RAB3D: variants seen among roughly 807,000 people sequenced by gnomAD.
RAB3D encodes ras-related protein Rab-3D.
A neutral mutation model predicts 19.3 loss-of-function variants in RAB3D; 17 were observed. That is an observed-to-expected ratio of 0.88 (90% CI 0.60 to 1.32). The LOEUF (loss-of-function observed/expected upper bound fraction) is 1.32, where lower values mean the gene tolerates loss of function less well. Ranked by LOEUF, RAB3D falls within the 40% of genes most tolerant of loss-of-function variation. RAB3D has a pLI of 0.00. For missense variants in RAB3D, 223 were observed against 299.1 expected, an observed-to-expected ratio of 0.75 and a Z score of 1.88; for synonymous variants, 103 against 119.9, an observed-to-expected ratio of 0.86 and a Z score of 0.92.
intron 1 of RAB3D, among the ~76,000 whole-genome samples, chr19:11,338,909 T>C (rs1050359087): frequency 2.0e-5 from 3 of 152,226 alleles, no homozygotes; most frequent in African/African-American, 7.2e-5. Context: ...CTATGGCCGC[T>C]GCGGGAACCG....
In RAB3D at chr19:11,325,292, G is replaced by A. The variant is rs2080805107; in HGVS notation, c.*106C>T. On this transcript the variant is annotated 3_prime_UTR_variant, in exon 5 of 5. Transcript: ENST00000222120. ...GCAGGAGTCGGGGAGCAGTTGACAG[G>A]AGGGAAGGGATTGCCCTGAGCTTGG... The A allele has an allele frequency of 2.8e-6, 2 of 716,346 alleles. No homozygotes were observed. The allele number at this position is 716,346 out of a possible 1,614,324, so 44.4% of individuals were successfully genotyped here. A position where few individuals can be genotyped will look rare whatever the true frequency, so the allele number is the denominator to read the frequency against.
chr19:11,328,333 C>CAAAAAAAAAAAAA (rs71164187), intron 4 of RAB3D, among the ~76,000 whole-genome samples: 1 of 57,834 alleles, frequency 1.7e-5, no homozygotes, highest in African/African-American at 6.5e-5. Context: ...GATATTATCT[C>CAAAAAAAAAAAAA]AAAAAAAAAA....
chr19:11,335,100 T>C (rs74993229), intron 4 of RAB3D, among the ~76,000 whole-genome samples: 3,907 of 152,352 alleles, frequency 0.026, 73 homozygotes, highest in East Asian at 0.089. Context: ...ATATACTTTA[T>C]GTCCACTTGG....
intron 4 of RAB3D, among the ~76,000 whole-genome samples, chr19:11,327,648 C>T (rs2080820380): frequency 1.3e-5 from 2 of 152,154 alleles, no homozygotes; most frequent in Admixed American, 1.3e-4. Context: ...ATCCACCTGC[C>T]TCAGCTTCCC....
Position 11,335,602 on chromosome 19 carries a change from C to CCG in RAB3D, c.348-32_348-31insCG. On this transcript the variant is annotated intron_variant, in intron 3 of 4. Coordinates refer to ENST00000222120, the MANE Select transcript of RAB3D (RefSeq NM_004283.4). Reference sequence around the variant, plus strand: ...GAGTTACCAGTGGTGAGCCATGAGCCGGGGGGGTTAGGGGTCAGAGGAGAG... The same window carrying CCG: ...GAGTTACCAGTGGTGAGCCATGAGCCCGGGGGGGGTTAGGGGTCAGAGGAGAG... The CCG allele has an allele frequency of 4.3e-6, 7 of 1,613,548 alleles. No individual in the cohort carries two copies. The South Asian group carries it at 4.4e-5, about 10-fold the overall frequency.
At chr19:11,325,733 C>T in intron 4 of RAB3D, 148 bp from the exon 5 acceptor site, 1 of 680,774 alleles carries the variant, frequency 1.5e-6, no homozygotes, top group South Asian at 2.0e-5. Flanking sequence ...CTCCAAGCCT[C>T]AGTTTGCTCA....
intron 4 of RAB3D, among the ~76,000 whole-genome samples, chr19:11,334,785 A>G (rs1306379425): frequency 1.3e-5 from 2 of 151,274 alleles, no homozygotes; most frequent in African/African-American, 4.9e-5. Flanking sequence ...TTAGCTGGGC[A>G]TGTGGCACGC....
At chr19:11,328,753 G>A (rs917606664) in intron 4 of RAB3D, among the ~76,000 whole-genome samples, 6 of 152,044 alleles carry the variant, frequency 3.9e-5, no homozygotes, top group African/African-American at 1.4e-4. Flanking sequence ...GGAAGTTGAG[G>A]CTGCAGTGAG....
intron 2 of RAB3D, 21 bp from the exon 3 acceptor site, chr19:11,335,804 G>T: frequency 6.2e-7 from 1 of 1,606,456 alleles, no homozygotes; most frequent in Non-Finnish European, 8.5e-7. Context: ...GGCAGTGGCA[G>T]TTGGCTGGGA....
chr19:11,325,470 G>A lies in RAB3D; in HGVS notation c.588C>T (p.Ser196=), dbSNP rs774112638. The change falls in exon 5 of 5, where the codon AGC becomes AGT. Residue 196 remains serine (S), a synonymous_variant. Transcript: ENST00000222120. ...KMNESLEPSS[S]SGSNGKGPAV... is the part of the protein sequence containing the mutation. Reference sequence around the variant, plus strand: ...CCGGGCCTTTCCCGTTGCTGCCTGAGCTGGAGCTGGGTTCCAGGGACTCGT... The same window carrying A: ...CCGGGCCTTTCCCGTTGCTGCCTGAACTGGAGCTGGGTTCCAGGGACTCGT... 2 of 1,612,700 alleles carry A rather than the reference G, an allele frequency of 1.2e-6. No homozygotes were observed. The highest frequency in any genetic ancestry group is 1.1e-5 in the South Asian group (1 of 91,062).
Position 11,325,282 on chromosome 19 carries a change from C to T in RAB3D, c.*116G>A. The T allele has an allele frequency of 4.5e-6, 3 of 672,988 alleles. No homozygotes were observed. Among genetic ancestry groups the T allele is most frequent in the Non-Finnish European group, 7.5e-6 (3 of 402,326 alleles). The allele number at this position is 672,988 out of a possible 1,614,324, so 41.7% of individuals were successfully genotyped here. ...AATGAGCCATGCAGGAGTCGGGGAG[C>T]AGTTGACAGGAGGGAAGGGATTGCC... On this transcript the variant is annotated 3_prime_UTR_variant, in exon 5 of 5. Transcript: ENST00000222120.
Position 11,337,187 on chromosome 19 carries a change from G to A in RAB3D, c.213C>T (p.Ile71=). ...CCCAGCCTACCCAGATCTGCAGCTT[G>A]ATCCTCTTGTCATGGCGGTAGACGG... ...VKTVYRHDKR[I]KLQIWDTAGQ... Residue 71 remains isoleucine (I), a synonymous_variant, in exon 2 of 5, where the codon ATC becomes ATT. Transcript: ENST00000222120. The A allele has an allele frequency of 1.2e-6, 2 of 1,613,808 alleles. No individual in the cohort carries two copies. Among genetic ancestry groups the A allele is most frequent in the Non-Finnish European group, 1.7e-6 (2 of 1,179,886 alleles).
intron 2 of RAB3D, among the ~76,000 whole-genome samples, chr19:11,336,030 T>C (rs991777733): frequency 1.3e-5 from 2 of 152,196 alleles, no homozygotes; most frequent in Non-Finnish European, 2.9e-5. Context: ...GGGCTTGCCC[T>C]TGAGGGGTTC....
rs559086019 is a variant in RAB3D, at chr19:11,323,395, A to C, written c.*2003T>G. On this transcript the variant is annotated 3_prime_UTR_variant, in exon 5 of 5. Coordinates refer to ENST00000222120, the MANE Select transcript of RAB3D (RefSeq NM_004283.4). The stretch of plus-strand genomic sequence containing the variant: ...GATCACTTGAAGTCAGTTTGAGACA[A>C]GCCTCACCAACATGGTGAAACCCCT... The C allele has an allele frequency of 3.3e-5, 5 of 152,106 alleles. No individual in the cohort carries two copies. Among genetic ancestry groups the C allele is most frequent in the African/African-American group, 7.2e-5 (3 of 41,432 alleles). The allele number at this position is 152,106 out of a possible 1,614,324, so 9.4% of individuals were successfully genotyped here.
chr19:11,336,865 G>A (rs1966899899), intron 2 of RAB3D, among the ~76,000 whole-genome samples: 1 of 151,610 alleles, frequency 6.6e-6, no homozygotes, highest in Non-Finnish European at 1.5e-5. Flanking sequence ...AGCTACTCGG[G>A]AGACTGAGGC....
At chr19:11,329,961 C>T (rs1300828012) in intron 4 of RAB3D, among the ~76,000 whole-genome samples, 1 of 152,114 alleles carries the variant, frequency 6.6e-6, no homozygotes, top group Non-Finnish European at 1.5e-5. Flanking sequence ...GGATTACAGG[C>T]GTGAGCCACC....
rs748797089 is a variant in RAB3D at position 11,335,541 on chromosome 19, G to T, written c.378C>A (p.Asp126Glu). The T allele has an allele frequency of 9.3e-6, 15 of 1,614,064 alleles. No homozygotes were observed. In the Admixed American group the frequency reaches 2.5e-4, roughly 27 times the overall value. ...TCCCCACCAGGATGACCTGGGCGTTGTCCCAGGAGTAGGTCTTGATTTGCG... is the reference window on the plus strand; with the variant it reads ...TCCCCACCAGGATGACCTGGGCGTTTTCCCAGGAGTAGGTCTTGATTTGCG... The part of the protein sequence containing the change: ...WATQIKTYSW[D>E]NAQVILVGNK... Residue 126 changes from aspartate to glutamate, a missense_variant, in exon 4 of 5, where the codon GAC (aspartate) becomes GAA (glutamate). By Grantham distance (45) the Asp-to-Glu change is conservative. Coordinates refer to ENST00000222120, the MANE Select transcript of RAB3D (RefSeq NM_004283.4).
chr19:11,338,712 T>A (rs1320754013), intron 1 of RAB3D, among the ~76,000 whole-genome samples: 1 of 151,974 alleles, frequency 6.6e-6, no homozygotes, highest in Non-Finnish European at 1.5e-5. Flanking sequence ...AAGGAAACGA[T>A]CCCAGCCACT....
chr19:11,337,141 C>T, intron 2 of RAB3D, 31 bp downstream of exon 2: 1 of 1,590,108 alleles, frequency 6.3e-7, no homozygotes, highest in East Asian at 2.2e-5. Context: ...AGGGACCCCA[C>T]CCCCAACCCA....
Sources: gnomAD v4.1 joint callset for allele counts (sites outside exome capture counted in the v4.1 genomes callset) on GRCh38, gnomAD v4.1.1 for gene constraint, MANE v1.5 for transcripts, NCBI Gene and HGNC (gene_info 2026-07-23, HGNC 2026-07-21) for gene names.